The following CASQ2 variants were observed in gnomAD, a reference collection of about 807,000 sequenced individuals.
CASQ2 encodes calsequestrin-2.
In CASQ2, 49 loss-of-function variants were observed where a neutral mutation model predicts 46.5. The observed-to-expected ratio is 1.05, with a 90% CI of 0.84 to 1.34. The LOEUF (loss-of-function observed/expected upper bound fraction) is 1.34, where lower values mean the gene tolerates loss of function less well. CASQ2 is among the 40% of genes most tolerant of loss of function. CASQ2 has a pLI of 0.00. For missense variants in CASQ2, 486 were observed against 481.3 expected (o/e 1.01, Z -0.09); for synonymous variants, 174 against 168.5 (o/e 1.03, Z -0.25).
At chr1:115,721,382 T>C (rs560032697) in intron 7 of CASQ2, among the ~76,000 whole-genome samples, 9 of 152,266 alleles carry the variant, frequency 5.9e-5, no homozygotes, top group African/African-American at 1.7e-4. Context: ...CAGCAAATAT[T>C]ACCAGGCACC....
rs1331295765 is a variant in CASQ2, at chr1:115,732,978, A to C, written c.533-4T>G. 1 of 1,609,122 alleles carries C rather than the reference A, an allele frequency of 6.2e-7. No individual in the cohort carries two copies. The highest frequency in any genetic ancestry group is 8.5e-7 in the Non-Finnish European group (1 of 1,175,578). On this transcript the variant is annotated splice_region_variant and splice_polypyrimidine_tract_variant and intron_variant, in intron 4 of 10. Coordinates refer to ENST00000261448, the MANE Select transcript of CASQ2 (RefSeq NM_001232.4). ...GCTTCTTCAAAAGCCTTGTAGTCTAAGGGGAAAAATAAAGATGAAGGGAGA... is the reference window on the plus strand; with the variant it reads ...GCTTCTTCAAAAGCCTTGTAGTCTACGGGGAAAAATAAAGATGAAGGGAGA...
intron 2 of CASQ2, among the ~76,000 whole-genome samples, chr1:115,744,141 CAAAA>C (rs71683766): frequency 2.0e-3 from 258 of 129,094 alleles, no homozygotes; most frequent in Non-Finnish European, 2.3e-3. Flanking sequence ...GAACCTGTCT[CAAAA>C]AAAAAAAAAA....
At chr1:115,754,869 C>CACTACTACTACACTACTG (rs1648707246) in intron 1 of CASQ2, among the ~76,000 whole-genome samples, 2 of 152,216 alleles carry the variant, frequency 1.3e-5, no homozygotes, top group Non-Finnish European at 2.9e-5. Context: ...GGGCAAACCC[C>CACTACTACTACACTACTG]ACTACACTAA....
intron 4 of CASQ2, 105 bp downstream of exon 4, chr1:115,738,119 C>T: frequency 1.3e-6 from 1 of 784,902 alleles, no homozygotes. Flanking sequence ...CTATTCTACC[C>T]AGCAAAAGAG....
chr1:115,739,593 G>GT (rs1648111723), intron 3 of CASQ2, among the ~76,000 whole-genome samples: 1 of 152,096 alleles, frequency 6.6e-6, no homozygotes, highest in African/African-American at 2.4e-5. Flanking sequence ...AGCCAAATTT[G>GT]TTTTTCTGTC....
chr1:115,760,165 C>T (rs1328610771), intron 1 of CASQ2, among the ~76,000 whole-genome samples: 1 of 152,188 alleles, frequency 6.6e-6, no homozygotes, highest in Admixed American at 6.5e-5. Flanking sequence ...TAGAGCTATA[C>T]TGACAGTTCC....
At chr1:115,750,896 C>CTGTAGGTATGTATCACACCTACAGGA (rs1553196364) in intron 1 of CASQ2, among the ~76,000 whole-genome samples, 1 of 150,982 alleles carries the variant, frequency 6.6e-6, no homozygotes, top group East Asian at 2.0e-4. Flanking sequence ...AGATTGTATC[C>CTGTAGGTATGTATCACACCTACAGGA]TGTAGGTATG....
chr1:115,739,288 TGTA>T (rs773952249), intron 3 of CASQ2, among the ~76,000 whole-genome samples: 1,731 of 146,936 alleles, frequency 0.012, 37 homozygotes, highest in East Asian at 0.098. Flanking sequence ...TTTTTATTTT[TGTA>T]TTTTTAGTAG....
chr1:115,703,538 T>C (rs561551279), intron 9 of CASQ2, among the ~76,000 whole-genome samples: 1 of 151,992 alleles, frequency 6.6e-6, no homozygotes, highest in African/African-American at 2.4e-5. Flanking sequence ...CCCACGCAAA[T>C]ATATGGCCTA....
intron 1 of CASQ2, among the ~76,000 whole-genome samples, chr1:115,758,678 G>C (rs1648841347): frequency 6.6e-6 from 1 of 152,170 alleles, no homozygotes. Context: ...TCCTGCTAGA[G>C]TTCCTCTGAG....
intron 7 of CASQ2, among the ~76,000 whole-genome samples, chr1:115,718,544 A>G (rs1176630902): frequency 6.6e-6 from 1 of 152,184 alleles, no homozygotes. Context: ...TGTAGGGGAC[A>G]CTGCTAGAAG....
intron 8 of CASQ2, 136 bp downstream of exon 8, chr1:115,717,704 G>A: frequency 1.3e-6 from 1 of 770,238 alleles, no homozygotes; most frequent in African/African-American, 1.7e-5. Context: ...TACTTAATGG[G>A]CGACCACCAG....
intron 1 of CASQ2, among the ~76,000 whole-genome samples, chr1:115,762,966 C>T (rs1331172606): frequency 6.6e-6 from 1 of 152,190 alleles, no homozygotes; most frequent in Non-Finnish European, 1.5e-5. Flanking sequence ...GCTGGGGCTC[C>T]ACCTGTCATG....
chr1:115,743,415 T>TA (rs1054125094), intron 2 of CASQ2, among the ~76,000 whole-genome samples: 1 of 152,132 alleles, frequency 6.6e-6, no homozygotes, highest in Non-Finnish European at 1.5e-5. Context: ...AGCTAATTTT[T>TA]AAATTTTTTG....
intron 8 of CASQ2, among the ~76,000 whole-genome samples, chr1:115,715,848 C>T (rs1654684939): frequency 6.6e-6 from 1 of 152,166 alleles, no homozygotes; most frequent in Non-Finnish European, 1.5e-5. Context: ...ATCTAACTCT[C>T]TAATCATCTG....
At chr1:115,703,924 C>A (rs201911730) in intron 9 of CASQ2, among the ~76,000 whole-genome samples, 146 of 93,654 alleles carry the variant, frequency 1.6e-3, no homozygotes, top group African/African-American at 2.8e-3. Flanking sequence ...AAAAAAAAAA[C>A]AAAAAAAAAC....
At chr1:115,733,739 A>G (rs1404570243) in intron 4 of CASQ2, among the ~76,000 whole-genome samples, 1 of 152,174 alleles carries the variant, frequency 6.6e-6, no homozygotes, top group African/African-American at 2.4e-5. Context: ...GTGGTTATGA[A>G]TAAATGCTAT....
intron 2 of CASQ2, among the ~76,000 whole-genome samples, chr1:115,743,865 T>C (rs1648284391): frequency 6.6e-6 from 1 of 151,898 alleles, no homozygotes; most frequent in Non-Finnish European, 1.5e-5. Context: ...GGCCGGGAGC[T>C]ATGGCTCACG....
At position 115,700,764 on chromosome 1, in the gene CASQ2, A is replaced by G. The variant is rs898305902; in HGVS notation, c.*477T>C. The stretch of plus-strand genomic sequence containing the variant: ...TAAGAAGGATCATCTTGGCTGGAGG[A>G]GGGATCCCAACTGATGTTCGAGGTA... On this transcript the variant is annotated 3_prime_UTR_variant, in exon 11 of 11. Coordinates refer to ENST00000261448, the MANE Select transcript of CASQ2 (RefSeq NM_001232.4). 1.2e-5 allele frequency: 5 copies of G among 420,074 alleles called. No individual in the cohort carries two copies. The highest frequency in any genetic ancestry group is 8.0e-5 in the African/African-American group (4 of 49,992). 26.0% of individuals were successfully genotyped at this position (420,074 alleles called of 1,614,324 possible).
Sources: gnomAD v4.1 joint callset for allele counts (sites outside exome capture counted in the v4.1 genomes callset) on GRCh38, gnomAD v4.1.1 for gene constraint, MANE v1.5 for transcripts, NCBI Gene and HGNC (gene_info 2026-07-23, HGNC 2026-07-21) for gene names.